The following CEP89 variants were observed in gnomAD, a reference collection of about 807,000 sequenced individuals.
CEP89 encodes centrosomal protein of 89 kDa.
In CEP89, 95 loss-of-function variants were observed where a neutral mutation model predicts 97.6. The ratio of observed to expected loss-of-function variants is 0.97; its 90% CI spans 0.82 to 1.15. The LOEUF (loss-of-function observed/expected upper bound fraction) is 1.15, where lower values mean the gene tolerates loss of function less well. CEP89 is among the 50% of genes most tolerant of loss of function. CEP89 has a pLI of 0.00. For synonymous variants in CEP89, 354 were observed against 349.1 expected (o/e 1.01, Z -0.16); for missense variants, 869 against 947.7 (o/e 0.92, Z 1.09).
chr19:32,886,683 A>T (rs1969403095), intron 17 of CEP89, among the ~76,000 whole-genome samples: 1 of 152,134 alleles, frequency 6.6e-6, no homozygotes, highest in African/African-American at 2.4e-5. Context: ...TCCCCAAGCA[A>T]GGCCAACTAC....
chr19:32,926,229 ATCT>A lies in CEP89; in HGVS notation c.1122_1124del (p.Glu374del). ...TGAGCTCGTCCTTCTCTTTCATCAT[ATCT>A]TCATAAGCCAGCAACAATGGTGACA... On this transcript the variant is annotated inframe_deletion, in exon 11 of 19. Coordinates refer to ENST00000305768, the MANE Select transcript of CEP89 (RefSeq NM_032816.5). 6.2e-7 allele frequency: 1 copy of A among 1,613,816 alleles called. No individual in the cohort carries two copies. The highest frequency in any genetic ancestry group is 1.1e-5 in the South Asian group (1 of 91,074).
rs989631213 is a variant in CEP89 at position 32,893,598 on chromosome 19, T to C, written c.1876-5757A>G. Among the ~76,000 whole-genome samples the C allele has an allele frequency of 5.9e-5, 9 of 152,322 alleles. No homozygotes were observed. In the East Asian group the frequency reaches 9.6e-4, roughly 16 times the overall value. ...ACACATTCTTATCAGATATAGAACATTGTCTAGCATACACTGTGTGTTACG... is the reference window on the plus strand; with the variant it reads ...ACACATTCTTATCAGATATAGAACACTGTCTAGCATACACTGTGTGTTACG... On this transcript the variant is annotated intron_variant, in intron 16 of 18. Coordinates refer to ENST00000305768, the MANE Select transcript of CEP89 (RefSeq NM_032816.5).
At chr19:32,890,065 A>C (rs962812975) in intron 16 of CEP89, among the ~76,000 whole-genome samples, 4 of 152,162 alleles carry the variant, frequency 2.6e-5, no homozygotes, top group East Asian at 1.9e-4. Flanking sequence ...TCACCAGTAA[A>C]GTATGGCCAG....
intron 14 of CEP89, among the ~76,000 whole-genome samples, chr19:32,913,021 C>T (rs923769832): frequency 2.0e-4 from 29 of 147,062 alleles, no homozygotes; most frequent in African/African-American, 6.0e-4. Context: ...CCAGCCTGGG[C>T]GACAGTGAGA....
intron 12 of CEP89, among the ~76,000 whole-genome samples, chr19:32,923,025 G>A (rs1209818587): frequency 6.6e-6 from 1 of 152,134 alleles, no homozygotes; most frequent in South Asian, 2.1e-4. Context: ...AATCTGCCAG[G>A]GCAGGCGGAT....
In CEP89 at chr19:32,936,247, A is replaced by T. The variant is rs1179307638; in HGVS notation, c.667+1384T>A. Reference sequence around the variant, plus strand: ...TCACAGCCTGGCTGGGAGTGTGCATACTCAGGGCAGTACTGACACGACAGC... The same window carrying T: ...TCACAGCCTGGCTGGGAGTGTGCATTCTCAGGGCAGTACTGACACGACAGC... On this transcript the variant is annotated intron_variant, in intron 7 of 18. Coordinates refer to ENST00000305768, the MANE Select transcript of CEP89 (RefSeq NM_032816.5). The surrounding 1 kb of genome is among the most constrained non-coding windows in gnomAD (Gnocchi z 4.5). Among the ~76,000 whole-genome samples the T allele has an allele frequency of 6.6e-6, 1 of 152,002 alleles. No individual in the cohort carries two copies. The highest frequency in any genetic ancestry group is 1.5e-5 in the Non-Finnish European group (1 of 67,968).
chr19:32,956,892 C>T (rs8106312), intron 3 of CEP89, among the ~76,000 whole-genome samples: 56,346 of 152,018 alleles, frequency 0.37, 10,613 homozygotes, highest in Admixed American at 0.48. Flanking sequence ...TTGGATTTCA[C>T]AGTCTTATTT....
Position 32,878,606 on chromosome 19 carries a change from A to C in CEP89, c.*556T>G, listed in dbSNP as rs1969211286. 1.3e-5 allele frequency: 2 copies of C among 152,312 alleles called. No individual in the cohort carries two copies. The highest frequency in any genetic ancestry group is 1.3e-4 in the Admixed American group (2 of 15,286). 9.4% of individuals were successfully genotyped at this position (152,312 alleles called of 1,614,324 possible). A position where few individuals can be genotyped will look rare whatever the true frequency, so the allele number is the denominator to read the frequency against. ...CAGAGCAGTGGGTGTCATAGAACTC[A>C]TCTCAGTGGCAATGTGGCCAGAGAA... On this transcript the variant is annotated 3_prime_UTR_variant, in exon 19 of 19. Transcript: ENST00000305768.
Position 32,948,289 on chromosome 19 carries a change from G to A in CEP89, c.572C>T (p.Ala191Val), listed in dbSNP as rs766671435. The A allele has an allele frequency of 1.7e-5, 27 of 1,607,302 alleles. No homozygotes were observed. The highest frequency in any genetic ancestry group is 2.1e-5 in the Non-Finnish European group (25 of 1,175,874). Residue 191 changes from alanine (A) to valine (V), a missense_variant, in exon 5 of 19, where the codon GCA (alanine) becomes GTA (valine). Ala to Val is a moderately conservative substitution (Grantham distance 64). Transcript: ENST00000305768. The part of the protein sequence containing the change: ...HQDGFPGSPP[A>V]PQRTQQKDGK... The stretch of plus-strand genomic sequence containing the variant: ...ACCTTTTTGTTGTGTCCGCTGTGGT[G>A]CAGGAGGGGAGCCTGGAAACCCATC...
At chr19:32,948,960 C>A (rs1290048620) in intron 4 of CEP89, among the ~76,000 whole-genome samples, 1 of 152,036 alleles carries the variant, frequency 6.6e-6, no homozygotes, top group Admixed American at 6.6e-5. Flanking sequence ...ACTCCAGGGC[C>A]CATGCGATCC....
intron 16 of CEP89, among the ~76,000 whole-genome samples, chr19:32,891,550 G>T (rs1257819128): frequency 6.6e-6 from 1 of 151,774 alleles, no homozygotes; most frequent in Non-Finnish European, 1.5e-5. Context: ...GCCTGAAAAA[G>T]AATTAAAAAT....
At chr19:32,912,968 G>A (rs1188645450) in intron 14 of CEP89, among the ~76,000 whole-genome samples, 8 of 151,316 alleles carry the variant, frequency 5.3e-5, no homozygotes, top group African/African-American at 9.7e-5. Context: ...CGTGAACCCC[G>A]GGGGGCGGAG....
chr19:32,892,368 A>G (rs527885105), intron 16 of CEP89, among the ~76,000 whole-genome samples: 2 of 150,594 alleles, frequency 1.3e-5, no homozygotes, highest in Admixed American at 6.6e-5. Context: ...CAGTGGCACT[A>G]TCTCAGCTCA....
At chr19:32,891,330 T>C (rs1264552161) in intron 16 of CEP89, among the ~76,000 whole-genome samples, 1 of 151,958 alleles carries the variant, frequency 6.6e-6, no homozygotes, top group East Asian at 1.9e-4. Context: ...TCCCACCATG[T>C]TGGTTGCCCC....
chr19:32,927,954 C>T (rs1454400766), intron 9 of CEP89, among the ~76,000 whole-genome samples: 3 of 136,598 alleles, frequency 2.2e-5, no homozygotes, highest in East Asian at 2.2e-4. Context: ...CTCGCTCTGT[C>T]GCACAGGCTG....
chr19:32,899,912 T>C lies in CEP89; in HGVS notation c.1820A>G (p.Asn607Ser). Residue 607 changes from asparagine (N) to serine (S), a missense_variant, in exon 16 of 19, where the codon AAC (asparagine) becomes AGC (serine). Asn to Ser is a conservative substitution (Grantham distance 46, BLOSUM62 1). Transcript: ENST00000305768. The stretch of plus-strand genomic sequence containing the variant: ...TATGTTTTCTGCCAGGCCAACAAGG[T>C]TTGCCAGGTACTGATGAGCAGACAT... Reference protein sequence around the residue: ...NEMSAHQYLANLVGLAENITQ... With the variant: ...NEMSAHQYLASLVGLAENITQ... The C allele has an allele frequency of 6.2e-7, 1 of 1,614,020 alleles. No individual in the cohort carries two copies. Among genetic ancestry groups the C allele is most frequent in the Non-Finnish European group, 8.5e-7 (1 of 1,179,948 alleles).
intron 14 of CEP89, among the ~76,000 whole-genome samples, chr19:32,911,956 G>T (rs1970009905): frequency 6.6e-6 from 1 of 152,174 alleles, no homozygotes; most frequent in South Asian, 2.1e-4. Flanking sequence ...GGCCAGGCTG[G>T]TGGCTCACAC....
chr19:32,906,578 T>A (rs1216284140), intron 14 of CEP89, among the ~76,000 whole-genome samples: 1 of 152,030 alleles, frequency 6.6e-6, no homozygotes, highest in African/African-American at 2.4e-5. Context: ...TCATTTACTT[T>A]CATTTTACTT....
intron 12 of CEP89, among the ~76,000 whole-genome samples, chr19:32,922,185 G>A (rs945580279): frequency 1.2e-4 from 18 of 152,280 alleles, no homozygotes; most frequent in Admixed American, 4.6e-4. Context: ...GAGGCAGACA[G>A]GATAGGCAGG....
Sources: allele counts gnomAD v4.1 joint callset (sites outside exome capture counted in the v4.1 genomes callset), GRCh38; gene constraint gnomAD v4.1.1; non-coding constraint Gnocchi (gnomAD v3.1); transcripts MANE v1.5; gene names NCBI Gene and HGNC (gene_info 2026-07-23, HGNC 2026-07-21).